The following DPF3 variants were observed in gnomAD, a reference collection of about 807,000 sequenced individuals.
DPF3 encodes zinc finger protein DPF3.
A neutral mutation model predicts 56.8 loss-of-function variants in DPF3; 18 were observed. The ratio of observed to expected loss-of-function variants is 0.32; its 90% CI spans 0.22 to 0.47. The LOEUF is 0.47. Among genes scored for constraint, DPF3 ranks in the 20% least tolerant of loss-of-function variants. The pLI is 1.00. For synonymous variants in DPF3, 188 were observed against 180.2 expected, an observed-to-expected ratio of 1.04 and a Z score of -0.35; for missense variants, 403 against 488.8, an observed-to-expected ratio of 0.82 and a Z score of 1.65.
At chr14:72,792,496 C>T (rs1463285055) in intron 1 of DPF3, among the ~76,000 whole-genome samples, 2 of 152,148 alleles carry the variant, frequency 1.3e-5, no homozygotes, top group Admixed American at 6.5e-5. Context: ...GAGGCAAACA[C>T]ACTCTCTTGC....
intron 1 of DPF3, among the ~76,000 whole-genome samples, chr14:72,808,035 C>T (rs1032885879): frequency 1.3e-5 from 2 of 152,120 alleles, no homozygotes; most frequent in African/African-American, 4.8e-5. Context: ...TGAGGGTCAC[C>T]CCCAGCCTGA....
At chr14:72,837,533 T>A (rs911009942) in intron 1 of DPF3, among the ~76,000 whole-genome samples, 4 of 151,196 alleles carry the variant, frequency 2.6e-5, no homozygotes, top group African/African-American at 4.9e-5. Context: ...AGGTCAGGAG[T>A]TCGAGACCAG....
At position 72,619,371 on chromosome 14, in the gene DPF3, C is replaced by A; in HGVS notation, c.1067-4G>T. 3.3e-6 allele frequency: 5 copies of A among 1,536,110 alleles called. No individual in the cohort carries two copies. Among genetic ancestry groups the A allele is most frequent in the Non-Finnish European group, 4.4e-6 (5 of 1,146,900 alleles). On this transcript the variant is annotated splice_polypyrimidine_tract_variant and splice_region_variant and intron_variant, in intron 10 of 10. Coordinates refer to ENST00000556509, the MANE Select transcript of DPF3 (RefSeq NM_001280542.3). The stretch of plus-strand genomic sequence containing the variant: ...CATAAGTGGCAGCTCCAGCTTCCTG[C>A]AAGAAATGAGACGGCTTTAGTAGCA...
At chr14:72,720,636 A>G (rs1348827248) in intron 5 of DPF3, among the ~76,000 whole-genome samples, 1 of 152,154 alleles carries the variant, frequency 6.6e-6, no homozygotes, top group Non-Finnish European at 1.5e-5. Flanking sequence ...CCATCATTCA[A>G]TCATTCATTC....
intron 8 of DPF3, among the ~76,000 whole-genome samples, chr14:72,659,300 T>C (rs1599333237): frequency 6.6e-6 from 1 of 152,352 alleles, no homozygotes; most frequent in East Asian, 1.9e-4. Flanking sequence ...TCCGAGTGGA[T>C]GAGGAACATG....
chr14:72,807,535 GT>G (rs1477192846), intron 1 of DPF3, among the ~76,000 whole-genome samples: 1 of 151,130 alleles, frequency 6.6e-6, no homozygotes, highest in East Asian at 1.9e-4. Context: ...TAAACTTTCA[GT>G]TTTTAAAAAA....
At chr14:72,884,714 G>A (rs1886447158) in intron 1 of DPF3, among the ~76,000 whole-genome samples, 1 of 151,216 alleles carries the variant, frequency 6.6e-6, no homozygotes, top group South Asian at 2.1e-4. Flanking sequence ...TTCACTCCAA[G>A]CCTCACCAGG....
chr14:72,800,965 T>C (rs544667788), intron 1 of DPF3, among the ~76,000 whole-genome samples: 7 of 152,236 alleles, frequency 4.6e-5, no homozygotes, highest in Non-Finnish European at 1.0e-4. Context: ...TACTTCTGTA[T>C]GGTTTTGGGT....
intron 5 of DPF3, among the ~76,000 whole-genome samples, chr14:72,722,278 G>A (rs1889205631): frequency 1.3e-5 from 2 of 152,198 alleles, no homozygotes; most frequent in African/African-American, 4.8e-5. Flanking sequence ...GATGAGGCTG[G>A]TCCCAGCTGT....
Position 72,630,217 on chromosome 14 carries a change from T to A in DPF3, c.872-481A>T, listed in dbSNP as rs143226179. Among the ~76,000 whole-genome samples, 306 of 152,264 alleles carry A rather than the reference T, an allele frequency of 2.0e-3. 3 individuals carry two copies. Among genetic ancestry groups the A allele is most frequent in the African/African-American group, 7.2e-3 (300 of 41,562 alleles). Reference sequence around the variant, plus strand: ...GGCTATCAGAAGGATTGTATGAGGTTTCCAGGGTCAGTGCTCAGGGATAGG... The same window carrying A: ...GGCTATCAGAAGGATTGTATGAGGTATCCAGGGTCAGTGCTCAGGGATAGG... On this transcript the variant is annotated intron_variant, in intron 8 of 10. Transcript: ENST00000556509.
chr14:72,861,781 A>AAGAAAGAAAGAAAG (rs1885438976), intron 1 of DPF3, among the ~76,000 whole-genome samples: 1 of 150,644 alleles, frequency 6.6e-6, no homozygotes, highest in African/African-American at 2.5e-5. Context: ...GAAAGAAAGA[A>AAGAAAGAAAGAAAG]AGAAAGAAAG....
intron 1 of DPF3, among the ~76,000 whole-genome samples, chr14:72,823,111 G>C (rs1883627110): frequency 6.6e-6 from 1 of 152,184 alleles, no homozygotes; most frequent in African/African-American, 2.4e-5. Context: ...GTTGGCGAGG[G>C]AAGGTGGTGG....
At chr14:72,891,730 C>T (rs1599530653) in intron 1 of DPF3, among the ~76,000 whole-genome samples, 1 of 151,944 alleles carries the variant, frequency 6.6e-6, no homozygotes, top group African/African-American at 2.4e-5. Context: ...ATTGTTTATA[C>T]CCCTTTACTC....
At chr14:72,688,765 A>C (rs1408467960) in intron 7 of DPF3, among the ~76,000 whole-genome samples, 2 of 152,156 alleles carry the variant, frequency 1.3e-5, no homozygotes, top group Non-Finnish European at 2.9e-5. Flanking sequence ...ATTTGCAAAA[A>C]GTAGGTGAAG....
At chr14:72,736,473 C>T (rs961462815) in intron 3 of DPF3, among the ~76,000 whole-genome samples, 3 of 152,134 alleles carry the variant, frequency 2.0e-5, no homozygotes, top group Admixed American at 6.5e-5. Context: ...GTAATAGCTG[C>T]CGAGTGCCAT....
chr14:72,660,407 GGCCA>G (rs1886172698), intron 8 of DPF3, among the ~76,000 whole-genome samples: 1 of 152,140 alleles, frequency 6.6e-6, no homozygotes, highest in Non-Finnish European at 1.5e-5. Context: ...CCCCACTGGG[GGCCA>G]GCAATGCTCA....
intron 2 of DPF3, among the ~76,000 whole-genome samples, chr14:72,755,343 C>T (rs771631552): frequency 2.0e-5 from 3 of 152,190 alleles, no homozygotes; most frequent in Non-Finnish European, 4.4e-5. Context: ...CTGCTTGGAG[C>T]TTTAGACCCA....
At chr14:72,709,099 C>T (rs1369779561) in intron 6 of DPF3, among the ~76,000 whole-genome samples, 2 of 152,200 alleles carry the variant, frequency 1.3e-5, no homozygotes, top group South Asian at 2.1e-4. Flanking sequence ...GGGAAGAGAC[C>T]CTAGACCCTA....
chr14:72,827,074 A>G (rs974362867), intron 1 of DPF3, among the ~76,000 whole-genome samples: 2 of 151,280 alleles, frequency 1.3e-5, no homozygotes, highest in Admixed American at 1.3e-4. Flanking sequence ...ATTCACAGAT[A>G]TCAATCGTAA....
Sources: allele counts gnomAD v4.1 joint callset (sites outside exome capture counted in the v4.1 genomes callset), GRCh38; gene constraint gnomAD v4.1.1; transcripts MANE v1.5; gene names NCBI Gene and HGNC (gene_info 2026-07-23, HGNC 2026-07-21).